Variants in TMEM108 observed in about 807,000 individuals in gnomAD.
TMEM108 encodes the protein transmembrane protein 108, also known as cancer/testis antigen 124.
A neutral mutation model predicts 35.1 loss-of-function variants in TMEM108; 12 were observed. The ratio of observed to expected loss-of-function variants is 0.34; its 90% CI spans 0.22 to 0.55. The LOEUF is 0.55. Among genes scored for constraint, TMEM108 ranks in the 20% least tolerant of loss-of-function variants. The pLI is 0.89. For synonymous variants in TMEM108, 287 were observed against 308.6 expected (o/e 0.93, Z 0.73); for missense variants, 680 against 753.3 (o/e 0.90, Z 1.14).
Position 133,039,478 on chromosome 3 carries a change from T to C in TMEM108, c.-166+1043T>C, listed in dbSNP as rs367776852. Among the ~76,000 whole-genome samples, 15 of 152,202 alleles carry C rather than the reference T, an allele frequency of 9.9e-5. No individual in the cohort carries two copies. The East Asian group carries it at 2.5e-3, about 25-fold the overall frequency. The stretch of plus-strand genomic sequence containing the variant: ...GGTTTGTATGGGAGTCCGGGGGAGA[T>C]GGATTGTTGCCTTTAAATCATACTT... On this transcript the variant is annotated intron_variant, in intron 1 of 5. Coordinates refer to ENST00000321871, the MANE Select transcript of TMEM108 (RefSeq NM_023943.4).
At position 133,177,870 on chromosome 3, in the gene TMEM108, A is replaced by G. The variant is rs578169006; in HGVS notation, c.-46-51396A>G. 6.4e-4 allele frequency among the ~76,000 whole-genome samples: 97 copies of G among 152,274 alleles called. No homozygotes were observed. In the South Asian group the frequency reaches 7.0e-3, roughly 11 times the overall value. On this transcript the variant is annotated intron_variant, in intron 2 of 5. Coordinates refer to ENST00000321871, the MANE Select transcript of TMEM108 (RefSeq NM_023943.4). The stretch of plus-strand genomic sequence containing the variant: ...TTCAATTAGGAAAAGAGGAAGTCAA[A>G]TTGTCCCTGTTTGCAGATGACATGA...
At chr3:133,238,834 A>G (rs1946274866) in intron 3 of TMEM108, among the ~76,000 whole-genome samples, 1 of 152,194 alleles carries the variant, frequency 6.6e-6, no homozygotes, top group Non-Finnish European at 1.5e-5. Flanking sequence ...AAAATACGTG[A>G]CCTTTTAGAT....
At chr3:133,181,845 A>AT (rs1945350585) in intron 2 of TMEM108, among the ~76,000 whole-genome samples, 1 of 152,198 alleles carries the variant, frequency 6.6e-6, no homozygotes, top group African/African-American at 2.4e-5. Context: ...GAGAAATTCT[A>AT]TTACCAAATA....
chr3:133,238,728 G>C (rs1375276512), intron 3 of TMEM108, among the ~76,000 whole-genome samples: 1 of 152,158 alleles, frequency 6.6e-6, no homozygotes, highest in Non-Finnish European at 1.5e-5. Flanking sequence ...TGTTTCTCAT[G>C]ATAAATGAGA....
chr3:133,272,854 G>A (rs1160304418), intron 3 of TMEM108, among the ~76,000 whole-genome samples: 2 of 152,132 alleles, frequency 1.3e-5, no homozygotes, highest in Non-Finnish European at 2.9e-5. Flanking sequence ...CTGTCACAAT[G>A]ACTGGGAAAT....
At chr3:133,363,290 G>A (rs1243144378) in intron 3 of TMEM108, among the ~76,000 whole-genome samples, 1 of 152,150 alleles carries the variant, frequency 6.6e-6, no homozygotes, top group Admixed American at 6.5e-5. Flanking sequence ...CTGGAACAGG[G>A]ACCCAACAGT....
Position 133,171,922 on chromosome 3 carries a change from G to C in TMEM108, c.-46-57344G>C, listed in dbSNP as rs116322662. ...GCTGCATTCTCACAATTTCCTGCAA[G>C]AATGAGTCTCTCACTTATCTACTTT... is the stretch of plus-strand genomic sequence containing the variant. On this transcript the variant is annotated intron_variant, in intron 2 of 5. Transcript: ENST00000321871. 3.6e-3 allele frequency among the ~76,000 whole-genome samples: 546 copies of C among 152,324 alleles called. 4 individuals carry two copies. The highest frequency in any genetic ancestry group is 0.013 in the African/African-American group (521 of 41,572).
At chr3:133,232,625 A>C (rs1469519780) in intron 3 of TMEM108, among the ~76,000 whole-genome samples, 1 of 152,240 alleles carries the variant, frequency 6.6e-6, no homozygotes, top group Non-Finnish European at 1.5e-5. Flanking sequence ...AATCATAATC[A>C]ATAGTCACTG....
intron 3 of TMEM108, among the ~76,000 whole-genome samples, chr3:133,260,414 A>G (rs143414363): frequency 3.0e-4 from 45 of 152,358 alleles, no homozygotes; most frequent in African/African-American, 1.0e-3. Context: ...AGAATCGATG[A>G]CATTAGGTTG....
chr3:133,344,772 G>A (rs2071766821), intron 3 of TMEM108, among the ~76,000 whole-genome samples: 1 of 151,462 alleles, frequency 6.6e-6, no homozygotes, highest in Non-Finnish European at 1.5e-5. Context: ...TTACAGATGA[G>A]GAAACTTTAA....
chr3:133,332,332 A>G (rs1176062049), intron 3 of TMEM108, among the ~76,000 whole-genome samples: 5 of 152,184 alleles, frequency 3.3e-5, no homozygotes, highest in African/African-American at 4.8e-5. Context: ...GAGGTGTCCA[A>G]TTTGCCACTG....
chr3:133,163,323 G>A (rs1441587254), intron 2 of TMEM108, among the ~76,000 whole-genome samples: 1 of 152,190 alleles, frequency 6.6e-6, no homozygotes, highest in African/African-American at 2.4e-5. Flanking sequence ...GTGGGGAAGA[G>A]GCAGGACAGA....
At chr3:133,167,592 A>T (rs935380392) in intron 2 of TMEM108, among the ~76,000 whole-genome samples, 1 of 152,218 alleles carries the variant, frequency 6.6e-6, no homozygotes, top group African/African-American at 2.4e-5. Flanking sequence ...GTGGGCCGGC[A>T]GTGCTGGGGG....
At chr3:133,393,361 G>A (rs1559950746) in intron 5 of TMEM108, among the ~76,000 whole-genome samples, 1 of 152,146 alleles carries the variant, frequency 6.6e-6, no homozygotes, top group Non-Finnish European at 1.5e-5. Context: ...CTGTTGATTG[G>A]TTTGTGGTCT....
chr3:133,293,101 T>C (rs924409544), intron 3 of TMEM108, among the ~76,000 whole-genome samples: 1 of 152,138 alleles, frequency 6.6e-6, no homozygotes, highest in Non-Finnish European at 1.5e-5. Context: ...AGTTGCTTTT[T>C]CTGAGACACA....
intron 2 of TMEM108, among the ~76,000 whole-genome samples, chr3:133,097,011 C>A (rs1358647645): frequency 1.3e-5 from 2 of 152,184 alleles, no homozygotes; most frequent in Non-Finnish European, 2.9e-5. Context: ...CTGTCCGCAC[C>A]CTTGCATGTC....
At chr3:133,066,432 A>T (rs1006781799) in intron 2 of TMEM108, among the ~76,000 whole-genome samples, 1 of 152,182 alleles carries the variant, frequency 6.6e-6, no homozygotes, top group Admixed American at 6.5e-5. Context: ...CAATAGAAGA[A>T]ATAAGAAAAA....
chr3:133,217,418 CTTGT>C (rs1559871634), intron 2 of TMEM108, among the ~76,000 whole-genome samples: 1 of 151,848 alleles, frequency 6.6e-6, no homozygotes, highest in Non-Finnish European at 1.5e-5. Context: ...TGTATAAAAG[CTTGT>C]TTGTTTGATG....
Position 133,396,729 on chromosome 3 carries a change from C to G in TMEM108, c.*743C>G, listed in dbSNP as rs2073311354. ...ATTCCTGTATCCCCTCCAACACCCA[C>G]ATCTGCATTAAACACCCGTGCCTTT... On this transcript the variant is annotated 3_prime_UTR_variant, in exon 6 of 6. Transcript: ENST00000321871. 1 of 152,338 alleles carries G rather than the reference C, an allele frequency of 6.6e-6. No homozygotes were observed. Among genetic ancestry groups the G allele is most frequent in the Admixed American group, 6.5e-5 (1 of 15,306 alleles). The allele number at this position is 152,338 out of a possible 1,614,324, so 9.4% of individuals were successfully genotyped here. A position where few individuals can be genotyped will look rare whatever the true frequency, so the allele number is the denominator to read the frequency against.
Sources: gnomAD v4.1 joint callset for allele counts (sites outside exome capture counted in the v4.1 genomes callset) on GRCh38, gnomAD v4.1.1 for gene constraint, MANE v1.5 for transcripts, NCBI Gene and HGNC (gene_info 2026-07-23, HGNC 2026-07-21) for gene names.